Variants in MROH1 observed in about 807,000 individuals in gnomAD.
MROH1 encodes the protein maestro heat like repeat family member 1.
Under a neutral mutation model 116.5 loss-of-function variants are expected in MROH1, and 117 were observed. The ratio of observed to expected loss-of-function variants is 1.00; its 90% CI spans 0.86 to 1.17. MROH1 has a LOEUF of 1.17. Among genes scored for constraint, MROH1 ranks in the 50% most tolerant of loss-of-function variants. MROH1 has a pLI of 0.00. For missense variants in MROH1, 1,873 were observed against 1,338.5 expected (o/e 1.40, Z -6.23); for synonymous variants, 921 against 583.9 (o/e 1.58, Z -8.32).
Position 144,220,345 on chromosome 8 carries a change from G to A in MROH1, c.1142-255G>A, listed in dbSNP as rs146739926. Reference sequence around the variant, plus strand: ...ACTTCCCCGGCGTTGGAACCTGCGTGTACCTGACTCAGGCCCATTCTTCTA... The same window carrying A: ...ACTTCCCCGGCGTTGGAACCTGCGTATACCTGACTCAGGCCCATTCTTCTA... On this transcript the variant is annotated intron_variant, in intron 12 of 43. Coordinates refer to ENST00000326134, the MANE Select transcript of MROH1 (RefSeq NM_032450.3). Among the ~76,000 whole-genome samples, 355 of 152,342 alleles carry A rather than the reference G, an allele frequency of 2.3e-3. 2 individuals carry two copies. The highest frequency in any genetic ancestry group is 8.3e-3 in the African/African-American group (344 of 41,586).
intron 10 of MROH1, among the ~76,000 whole-genome samples, chr8:144,198,206 T>C (rs1830377924): frequency 6.6e-6 from 1 of 152,136 alleles, no homozygotes; most frequent in South Asian, 2.1e-4. Flanking sequence ...GCCTTTGCTG[T>C]GGTTACCTCT....
At position 144,194,416 on chromosome 8, in the gene MROH1, T is replaced by TG. The variant is rs542220321; in HGVS notation, c.948+2017dup. On this transcript the variant is annotated intron_variant, in intron 10 of 43. Transcript: ENST00000326134. ...GGAACTTCCCTAAGTTAACAAAGTA[T>TG]GGATACCCGAACCCTCAGTCTGCAT... Among the ~76,000 whole-genome samples the TG allele has an allele frequency of 2.0e-3, 304 of 152,288 alleles. 1 individual carries two copies. The highest frequency in any genetic ancestry group is 6.8e-3 in the African/African-American group (283 of 41,554).
chr8:144,229,084 A>G (rs1259227616), intron 14 of MROH1, among the ~76,000 whole-genome samples: 1 of 152,170 alleles, frequency 6.6e-6, no homozygotes, highest in African/African-American at 2.4e-5. Context: ...GATCGCAGCA[A>G]TTCAGTTCCA....
Position 144,247,354 on chromosome 8 carries a change from G to T in MROH1, c.2925G>T (p.Arg975=). 1.3e-6 allele frequency: 1 copy of T among 773,148 alleles called. No homozygotes were observed. The highest frequency in any genetic ancestry group is 1.4e-5 in the South Asian group (1 of 72,866). 47.9% of individuals were successfully genotyped at this position (773,148 alleles called of 1,614,324 possible). The part of the protein sequence containing the change: ...LGLLIGLFSP[R]CADLWPATRQ... ...TTCTCATCGGCCTCTTCTCCCCACG[G>T]TGTGCGGACCTGTGGCCTGCCACCC... Residue 975 remains arginine (R), a synonymous_variant, in exon 30 of 44, where the codon CGG becomes CGT. Coordinates refer to ENST00000326134, the MANE Select transcript of MROH1 (RefSeq NM_032450.3).
In MROH1 at chr8:144,163,995, G is replaced by T; in HGVS notation, c.22+147G>T. 1.4e-6 allele frequency: 1 copy of T among 711,514 alleles called. No homozygotes were observed. The highest frequency in any genetic ancestry group is 2.2e-6 in the Non-Finnish European group (1 of 452,766). The allele number at this position is 711,514 out of a possible 1,614,324, so 44.1% of individuals were successfully genotyped here. On this transcript the variant is annotated intron_variant, in intron 3 of 43. Coordinates refer to ENST00000326134, the MANE Select transcript of MROH1 (RefSeq NM_032450.3). This position sits in a 1 kb window ranked among gnomAD's most constrained non-coding sequence, Gnocchi z 4.4. Reference sequence around the variant, plus strand: ...GCCTGAGTGGGTTCTGGGCAGGTTGGGTGATGTGGCAGGTGTAGACTTCTC... The same window carrying T: ...GCCTGAGTGGGTTCTGGGCAGGTTGTGTGATGTGGCAGGTGTAGACTTCTC...
chr8:144,201,181 C>G (rs191695418), intron 12 of MROH1: 1 of 152,000 alleles, frequency 6.6e-6, no homozygotes, highest in Non-Finnish European at 1.5e-5. Flanking sequence ...CTCAGCCTCC[C>G]GAGTAGCTGG....
In MROH1 at chr8:144,238,790, A is replaced by G; in HGVS notation, c.1373A>G (p.Lys458Arg). ...CCAGGCCCCGGCAGCAAGGACCCCAAGGCCGACAGCGTGCGGGCCATCAGC... is the reference window on the plus strand; with the variant it reads ...CCAGGCCCCGGCAGCAAGGACCCCAGGGCCGACAGCGTGCGGGCCATCAGC... ...EKPGPGSKDPKADSVRAISVR... is the reference protein window; with the variant it reads ...EKPGPGSKDPRADSVRAISVR... The change falls in exon 15 of 44, where the codon AAG becomes AGG. Residue 458 changes from lysine (K) to arginine (R), a missense_variant. Transcript: ENST00000326134. 2 of 774,412 alleles carry G rather than the reference A, an allele frequency of 2.6e-6. No individual in the cohort carries two copies. Among genetic ancestry groups the G allele is most frequent in the South Asian group, 2.7e-5 (2 of 74,550 alleles). The allele number at this position is 774,412 out of a possible 1,614,324, so 48.0% of individuals were successfully genotyped here.
intron 13 of MROH1, 70 bp from the exon 14 acceptor site, chr8:144,223,038 T>C: frequency 6.3e-7 from 1 of 1,596,072 alleles, no homozygotes; most frequent in Non-Finnish European, 8.6e-7. Context: ...CTGAGGTTCC[T>C]CTCTGCTGGC....
chr8:144,247,342 C>G lies in MROH1; in HGVS notation c.2913C>G (p.Leu971=). The change falls in exon 30 of 44, where the codon CTC becomes CTG. Residue 971 remains leucine (L), a synonymous_variant. Coordinates refer to ENST00000326134, the MANE Select transcript of MROH1 (RefSeq NM_032450.3). ...ACAACCTGGGCCTTCTCATCGGCCTCTTCTCCCCACGGTGTGCGGACCTGT... is the reference window on the plus strand; with the variant it reads ...ACAACCTGGGCCTTCTCATCGGCCTGTTCTCCCCACGGTGTGCGGACCTGT... ...PFHNLGLLIG[L]FSPRCADLWP... 2.6e-6 allele frequency: 2 copies of G among 773,486 alleles called. No homozygotes were observed. The highest frequency in any genetic ancestry group is 4.8e-6 in the Non-Finnish European group (2 of 415,646). The allele number at this position is 773,486 out of a possible 1,614,324, so 47.9% of individuals were successfully genotyped here.
intron 12 of MROH1, among the ~76,000 whole-genome samples, chr8:144,215,244 T>C (rs771799428): frequency 6.6e-5 from 10 of 152,256 alleles, no homozygotes; most frequent in Non-Finnish European, 1.2e-4. Flanking sequence ...TTGTCTGTAA[T>C]CTAAAAATTA....
chr8:144,153,309 G>A (rs1817304307), intron 1 of MROH1, among the ~76,000 whole-genome samples: 1 of 151,512 alleles, frequency 6.6e-6, no homozygotes, highest in Non-Finnish European at 1.5e-5. Flanking sequence ...CAATTCACTT[G>A]CCTCAGCCTC....
intron 7 of MROH1, among the ~76,000 whole-genome samples, chr8:144,181,628 G>A (rs1587957159): frequency 6.6e-6 from 1 of 152,316 alleles, no homozygotes; most frequent in East Asian, 1.9e-4. Flanking sequence ...GTAACTCCAT[G>A]TGACCCAGTT....
intron 22 of MROH1, chr8:144,242,136 C>G: frequency 1.6e-6 from 1 of 614,846 alleles, no homozygotes; most frequent in South Asian, 1.9e-5. Context: ...CTCTGTTACT[C>G]GGTACCCAGT....
intron 12 of MROH1, among the ~76,000 whole-genome samples, chr8:144,205,887 C>CT (rs1832709319): frequency 6.6e-6 from 1 of 152,162 alleles, no homozygotes; most frequent in Non-Finnish European, 1.5e-5. Context: ...AATAGAAATG[C>CT]AGTAAAATGC....
intron 14 of MROH1, among the ~76,000 whole-genome samples, chr8:144,235,058 G>C (rs1457591703): frequency 1.3e-5 from 2 of 150,912 alleles, no homozygotes; most frequent in Non-Finnish European, 3.0e-5. Flanking sequence ...ATGCCCAGCT[G>C]ATTTGTTTTT....
intron 29 of MROH1, among the ~76,000 whole-genome samples, chr8:144,246,442 C>G (rs1841938463): frequency 6.6e-6 from 1 of 152,030 alleles, no homozygotes; most frequent in African/African-American, 2.4e-5. Flanking sequence ...AACTTTCATT[C>G]TTTATGTGGT....
chr8:144,252,077 G>C (rs1224900648), intron 33 of MROH1: 1 of 187,714 alleles, frequency 5.3e-6, no homozygotes, highest in African/African-American at 2.4e-5. Context: ...ACAGTGCTGG[G>C]TGCCGTGTGG....
intron 1 of MROH1, among the ~76,000 whole-genome samples, chr8:144,151,648 C>T (rs1055868781): frequency 1.3e-5 from 2 of 152,186 alleles, no homozygotes; most frequent in Non-Finnish European, 2.9e-5. Context: ...TCTGTCCTTG[C>T]GACAAGTAGA....
Position 144,191,815 on chromosome 8 carries a change from C to A in MROH1, c.815C>A (p.Ala272Asp). Residue 272 changes from alanine to aspartate, a missense_variant, in exon 9 of 44, where the codon GCC (alanine) becomes GAC (aspartate). Coordinates refer to ENST00000326134, the MANE Select transcript of MROH1 (RefSeq NM_032450.3). ...QLPKLLPGIL[A>D]LYKKHAETFY... ...CCCAAGCTCCTCCCTGGGATTCTCG[C>A]CCTCTACAAGAAGCACGCAGAGACC... 2 of 1,613,516 alleles carry A rather than the reference C, an allele frequency of 1.2e-6. No homozygotes were observed. Among genetic ancestry groups the A allele is most frequent in the Non-Finnish European group, 1.7e-6 (2 of 1,179,836 alleles).
Sources: gnomAD v4.1 joint callset for allele counts (sites outside exome capture counted in the v4.1 genomes callset) on GRCh38, gnomAD v4.1.1 for gene constraint, Gnocchi (gnomAD v3.1) non-coding constraint, MANE v1.5 for transcripts, NCBI Gene and HGNC (gene_info 2026-07-23, HGNC 2026-07-21) for gene names.